Variants in FLACC1 observed in about 807,000 individuals in gnomAD.
FLACC1 encodes flagellum associated containing coiled-coil domains 1.
Under a neutral mutation model 62.8 loss-of-function variants are expected in FLACC1, and 66 were observed. That is an observed-to-expected ratio of 1.05 (90% CI 0.86 to 1.29). FLACC1 has a LOEUF of 1.29. Ranked by LOEUF, FLACC1 falls within the 50% of genes most tolerant of loss-of-function variation. The pLI is 0.00. For missense variants in FLACC1, 452 were observed against 489.1 expected, an observed-to-expected ratio of 0.92 and a Z score of 0.71; for synonymous variants, 156 against 161.0, an observed-to-expected ratio of 0.97 and a Z score of 0.24.
At position 201,357,241 on chromosome 2, in the gene FLACC1, C is replaced by T. The variant is rs754138095; in HGVS notation, c.-307G>A. On this transcript the variant is annotated 5_prime_UTR_variant, in exon 1 of 15. Transcript: ENST00000392257. Reference sequence around the variant, plus strand: ...CTGGCCTGGCACAAACATGAATTTCCCTTCTAAAGACAAAACAGTTGAAGT... The same window carrying T: ...CTGGCCTGGCACAAACATGAATTTCTCTTCTAAAGACAAAACAGTTGAAGT... The T allele has an allele frequency of 5.9e-5, 9 of 152,194 alleles. No individual in the cohort carries two copies. The highest frequency in any genetic ancestry group is 1.0e-4 in the Non-Finnish European group (7 of 68,038). 9.4% of individuals were successfully genotyped at this position (152,194 alleles called of 1,614,324 possible). A position where few individuals can be genotyped will look rare whatever the true frequency, so the allele number is the denominator to read the frequency against.
At chr2:201,306,419 A>C (rs1950108659) in intron 11 of FLACC1, among the ~76,000 whole-genome samples, 1 of 152,212 alleles carries the variant, frequency 6.6e-6, no homozygotes, top group African/African-American at 2.4e-5. Context: ...ACTGTATCAA[A>C]CACTAAGGCA....
At position 201,351,422 on chromosome 2, in the gene FLACC1, A is replaced by G. The variant is rs539911187; in HGVS notation, c.-18T>C. 227 of 1,573,194 alleles carry G rather than the reference A, an allele frequency of 1.4e-4. 1 individual carries two copies. The Middle Eastern group carries it at 2.4e-3, about 16-fold the overall frequency. ...GGGTACATGGCCAAAGGTCAGGGGG[A>G]GTCTTGGCTGCTAGATCAGGAGGCT... On this transcript the variant is annotated 5_prime_UTR_variant, in exon 2 of 15. Transcript: ENST00000392257.
rs1950568321 is a variant in FLACC1 at position 201,330,384 on chromosome 2, T to C, written c.675+86A>G. 3.0e-6 allele frequency: 4 copies of C among 1,317,264 alleles called. No individual in the cohort carries two copies. The Admixed American group carries it at 8.7e-5, about 28-fold the overall frequency. The allele number at this position is 1,317,264 out of a possible 1,614,324, so 81.6% of individuals were successfully genotyped here. On this transcript the variant is annotated intron_variant, in intron 9 of 14. Coordinates refer to ENST00000392257, the MANE Select transcript of FLACC1 (RefSeq NM_001127391.3). ...CTGGGAATCTCAGGACATTATTTTC[T>C]GGACAAAAGCTCTAGATTTATCCCA...
chr2:201,309,322 C>T, intron 9 of FLACC1, 72 bp from the exon 10 acceptor site: 7 of 1,157,084 alleles, frequency 6.0e-6, no homozygotes, highest in Non-Finnish European at 7.8e-6. Flanking sequence ...CTGTAAAACT[C>T]AACTCAGGGA....
chr2:201,289,974 C>T, intron 12 of FLACC1, 189 bp from the exon 13 acceptor site: 1 of 976,858 alleles, frequency 1.0e-6, no homozygotes, highest in Non-Finnish European at 1.5e-6. Flanking sequence ...TCAGCCTCAC[C>T]AGAGCTCATA....
At chr2:201,352,227 C>T (rs900354658) in intron 1 of FLACC1, 2 of 152,174 alleles carry the variant, frequency 1.3e-5, no homozygotes, top group African/African-American at 2.4e-5. Context: ...CTGCACAGAA[C>T]TTCCTGGAAA....
chr2:201,288,567 A>T lies in FLACC1; in HGVS notation c.*88T>A, dbSNP rs1001144728. The T allele has an allele frequency of 6.7e-7, 1 of 1,503,660 alleles. No homozygotes were observed. The highest frequency in any genetic ancestry group is 9.0e-7 in the Non-Finnish European group (1 of 1,111,438). The allele number at this position is 1,503,660 out of a possible 1,614,324, so 93.1% of individuals were successfully genotyped here. ...CCCAAGAACTAAACTCATTATATGC[A>T]TTTTCTCAAGAAAACCCTCCCAGGA... is the stretch of plus-strand genomic sequence containing the variant. On this transcript the variant is annotated 3_prime_UTR_variant, in exon 15 of 15. Coordinates refer to ENST00000392257, the MANE Select transcript of FLACC1 (RefSeq NM_001127391.3).
chr2:201,303,207 A>C (rs967983400), intron 11 of FLACC1, among the ~76,000 whole-genome samples: 7 of 152,180 alleles, frequency 4.6e-5, no homozygotes, highest in African/African-American at 1.7e-4. Context: ...AAGAAAAGAG[A>C]GAAGAATCAA....
At chr2:201,340,035 G>C (rs183688317) in intron 7 of FLACC1, among the ~76,000 whole-genome samples, 1 of 152,202 alleles carries the variant, frequency 6.6e-6, no homozygotes, top group African/African-American at 2.4e-5. Flanking sequence ...CAGGCCCATA[G>C]GTGGTGCATG....
rs899121343 is a variant in FLACC1 at position 201,288,480 on chromosome 2, G to C, written c.*175C>G. ...CATCATTTTTCAGTGAAGAGTCCGTGATAAGCTGTGAAATTCAGATGCGAA... is the reference window on the plus strand; with the variant it reads ...CATCATTTTTCAGTGAAGAGTCCGTCATAAGCTGTGAAATTCAGATGCGAA... On this transcript the variant is annotated 3_prime_UTR_variant, in exon 15 of 15. Transcript: ENST00000392257. 4.2e-6 allele frequency: 3 copies of C among 711,158 alleles called. No individual in the cohort carries two copies. The highest frequency in any genetic ancestry group is 6.6e-6 in the Non-Finnish European group (3 of 457,652). The allele number at this position is 711,158 out of a possible 1,614,324, so 44.1% of individuals were successfully genotyped here.
chr2:201,299,410 G>T, intron 11 of FLACC1, 110 bp from the exon 12 acceptor site: 1 of 809,296 alleles, frequency 1.2e-6, no homozygotes, highest in Non-Finnish European at 2.0e-6. Flanking sequence ...CCAAAGCTTA[G>T]ACACTGCTAT....
intron 7 of FLACC1, among the ~76,000 whole-genome samples, chr2:201,331,181 C>A (rs1950587802): frequency 6.6e-6 from 1 of 151,890 alleles, no homozygotes; most frequent in African/African-American, 2.4e-5. Flanking sequence ...GGTGTCCAGG[C>A]TGGTTTCAAA....
At chr2:201,308,872 T>A (rs1950157642) in intron 10 of FLACC1, among the ~76,000 whole-genome samples, 1 of 152,232 alleles carries the variant, frequency 6.6e-6, no homozygotes, top group African/African-American at 2.4e-5. Context: ...ACAGGGATTC[T>A]AACATTTGTT....
chr2:201,358,215 A>G (rs916200767), upstream of FLACC1, among the ~76,000 whole-genome samples: 2 of 152,212 alleles, frequency 1.3e-5, no homozygotes, highest in Non-Finnish European at 2.9e-5. Flanking sequence ...AAAAAGCTCA[A>G]TAAAAGCATA....
chr2:201,309,435 G>GT (rs1186884438), intron 9 of FLACC1, among the ~76,000 whole-genome samples, 185 bp from the exon 10 acceptor site: 1 of 152,152 alleles, frequency 6.6e-6, no homozygotes, highest in Non-Finnish European at 1.5e-5. Flanking sequence ...TGGGTGACTG[G>GT]TGAGAAGTAA....
intron 7 of FLACC1, 104 bp from the exon 8 acceptor site, chr2:201,330,937 G>T: frequency 4.1e-6 from 3 of 726,830 alleles, no homozygotes; most frequent in Non-Finnish European, 4.1e-6. Context: ...CAGGAAGTGA[G>T]GTTCTCACTT....
intron 12 of FLACC1, among the ~76,000 whole-genome samples, chr2:201,293,140 A>G (rs1305766893): frequency 6.6e-6 from 1 of 152,232 alleles, no homozygotes; most frequent in Non-Finnish European, 1.5e-5. Flanking sequence ...AAGGATATCC[A>G]GGAATTGAAC....
rs1216039398 is a variant in FLACC1, at chr2:201,289,734, T to G, written c.994A>C (p.Thr332Pro). 1.2e-6 allele frequency: 2 copies of G among 1,614,210 alleles called. No individual in the cohort carries two copies. The highest frequency in any genetic ancestry group is 4.5e-5 in the East Asian group (2 of 44,890). ...TCCAACTGGGTATAGTAGAGGTTTG[T>G]GTTCAGTGACTCTAGGATAAGGGCT... ...AQALILESLN[T>P]NLYYTQLELQ... Residue 332 changes from threonine to proline, a missense_variant, in exon 13 of 15, where the codon ACA becomes CCA. Thr to Pro is a conservative substitution (Grantham distance 38). Coordinates refer to ENST00000392257, the MANE Select transcript of FLACC1 (RefSeq NM_001127391.3).
chr2:201,302,280 C>A lies in FLACC1; in HGVS notation c.880-2980G>T, dbSNP rs191522307. On this transcript the variant is annotated intron_variant, in intron 11 of 14. Transcript: ENST00000392257. ...AACAAAAAAAGGCAGGGGTTGCAAT[C>A]CTAGTCTCTGATAAAACAGACTTTA... Among the ~76,000 whole-genome samples, 522 of 152,176 alleles carry A rather than the reference C, an allele frequency of 3.4e-3. 2 individuals are homozygous for A. Among genetic ancestry groups the A allele is most frequent in the African/African-American group, 0.012 (504 of 41,498 alleles).
Sources: gnomAD v4.1 joint callset for allele counts (sites outside exome capture counted in the v4.1 genomes callset) on GRCh38, gnomAD v4.1.1 for gene constraint, MANE v1.5 for transcripts, NCBI Gene and HGNC (gene_info 2026-07-23, HGNC 2026-07-21) for gene names.